PCDHGA2: variants seen among roughly 807,000 people sequenced by gnomAD.
The protein encoded by PCDHGA2 is protocadherin gamma subfamily A, 2.
In PCDHGA2, 40 loss-of-function variants were observed where a neutral mutation model predicts 59.2. The observed-to-expected ratio is 0.68, with a 90% confidence interval of 0.52 to 0.88. The LOEUF (loss-of-function observed/expected upper bound fraction) is 0.88. Ranked by LOEUF, PCDHGA2 falls within the 40% of genes least tolerant of loss-of-function variation. The pLI, the probability that PCDHGA2 is intolerant of heterozygous loss-of-function variation, is 0.00. For synonymous variants in PCDHGA2, 560 were observed against 526.0 expected, an observed-to-expected ratio of 1.06 and a Z score of -0.89; for missense variants, 1,226 against 1,204.0, an observed-to-expected ratio of 1.02 and a Z score of -0.27.
chr5:141,409,714 C>T (rs1053132512), intron 1 of PCDHGA2: 1 of 1,613,226 alleles, frequency 6.2e-7, no homozygotes, highest in Non-Finnish European at 8.5e-7. Flanking sequence ...TGTCGTCATA[C>T]GTGTCAGTGA....
In PCDHGA2 at chr5:141,512,223, C is replaced by G. The variant is rs1321595614; in HGVS notation, c.*1050C>G. 6.5e-6 allele frequency: 1 copy of G among 152,728 alleles called. No individual in the cohort carries two copies. The highest frequency in any genetic ancestry group is 1.5e-5 in the Non-Finnish European group (1 of 68,110). 9.5% of individuals were successfully genotyped at this position (152,728 alleles called of 1,614,324 possible). ...CTCGAAGCAGGTTTAGGACCAGGTC[C>G]CCTTGAGAGGTCAGAGGGGCCTCTG... On this transcript the variant is annotated 3_prime_UTR_variant, in exon 4 of 4. Transcript: ENST00000394576.
chr5:141,352,606 T>C (rs1366589335), intron 1 of PCDHGA2: 1 of 1,613,482 alleles, frequency 6.2e-7, no homozygotes, highest in African/African-American at 1.3e-5. Flanking sequence ...ATGATCCTTC[T>C]ATGGTTGTAT....
intron 1 of PCDHGA2, chr5:141,394,346 C>T: frequency 1.2e-6 from 2 of 1,614,156 alleles, no homozygotes; most frequent in Non-Finnish European, 1.7e-6. Context: ...ACTCTGACAC[C>T]GGTGTCCTGT....
intron 1 of PCDHGA2, chr5:141,413,943 T>A: frequency 1.2e-6 from 2 of 1,613,420 alleles, no homozygotes; most frequent in Non-Finnish European, 1.7e-6. Context: ...TGAGTGTTCC[T>A]GAGAATTTGC....
intron 1 of PCDHGA2, chr5:141,421,632 G>A (rs2096589368): frequency 6.2e-7 from 1 of 1,613,846 alleles, no homozygotes; most frequent in South Asian, 1.1e-5. Context: ...CCAGCTTCCA[G>A]GAGGACGAAG....
At chr5:141,376,221 C>G in intron 1 of PCDHGA2, 4 of 1,614,216 alleles carry the variant, frequency 2.5e-6, no homozygotes, top group Non-Finnish European at 3.4e-6. Context: ...GTGCTGCTGG[C>G]GCTCAGACTG....
At chr5:141,408,458 G>T (rs760881860) in intron 1 of PCDHGA2, 4 of 1,614,066 alleles carry the variant, frequency 2.5e-6, no homozygotes, top group South Asian at 2.2e-5. Flanking sequence ...GGACTTACTT[G>T]TGAAGAACCG....
chr5:141,340,342 C>T lies in PCDHGA2; in HGVS notation c.1371C>T (p.Tyr457=). The part of the protein sequence containing the change: ...DNAPAFSRTS[Y]STYIPENNPR... ...CACCCGCCTTCTCCCGCACATCCTA[C>T]TCCACCTACATTCCCGAAAACAACC... The change falls in exon 1 of 4, where the codon TAC becomes TAT. Residue 457 remains tyrosine (Y), a synonymous_variant. Transcript: ENST00000394576. 1.2e-6 allele frequency: 2 copies of T among 1,614,182 alleles called. No homozygotes were observed. The highest frequency in any genetic ancestry group is 1.7e-6 in the Non-Finnish European group (2 of 1,180,032).
chr5:141,443,849 T>A (rs1233479391), intron 1 of PCDHGA2, among the ~76,000 whole-genome samples: 2 of 152,136 alleles, frequency 1.3e-5, no homozygotes, highest in Admixed American at 1.3e-4. Flanking sequence ...ATATGGAAAG[T>A]CTGAAAACTG....
At chr5:141,418,489 G>C (rs774653264) in intron 1 of PCDHGA2, 26 of 1,613,874 alleles carry the variant, frequency 1.6e-5, no homozygotes, top group Admixed American at 1.5e-4. Context: ...CTCACCACTT[G>C]GTACTGACCG....
intron 1 of PCDHGA2, chr5:141,351,348 C>T (rs200422536): frequency 1.2e-6 from 2 of 1,613,314 alleles, no homozygotes; most frequent in East Asian, 2.2e-5. Context: ...ACTGTAATAG[C>T]CCTCATAAAA....
chr5:141,371,060 A>ATC (rs751376669), intron 1 of PCDHGA2: 2 of 1,613,980 alleles, frequency 1.2e-6, no homozygotes, highest in South Asian at 2.2e-5. Context: ...AGCCCTCCAG[A>ATC]AGCTGTACCA....
At position 141,340,640 on chromosome 5, in the gene PCDHGA2, G is replaced by A. The variant is rs749260209; in HGVS notation, c.1669G>A (p.Asp557Asn). The stretch of plus-strand genomic sequence containing the variant: ...AAGCCTGTTCGTGCTGGACCAGAAC[G>A]ACAACGCGCCCGAGATCCTGTACCC... The part of the protein sequence containing the change: ...SLSLFVLDQN[D>N]NAPEILYPAF... Residue 557 changes from aspartate (D) to asparagine (N), a missense_variant, in exon 1 of 4, where the codon GAC becomes AAC. By Grantham distance (23) the Asp-to-Asn change is conservative. Coordinates refer to ENST00000394576, the MANE Select transcript of PCDHGA2 (RefSeq NM_018915.4). The A allele has an allele frequency of 1.2e-6, 2 of 1,614,220 alleles. No individual in the cohort carries two copies. Among genetic ancestry groups the A allele is most frequent in the Non-Finnish European group, 1.7e-6 (2 of 1,180,038 alleles).
intron 1 of PCDHGA2, among the ~76,000 whole-genome samples, chr5:141,449,589 A>G (rs1196329432): frequency 7.6e-6 from 1 of 131,966 alleles, no homozygotes; most frequent in Non-Finnish European, 1.7e-5. Context: ...ACTCTGTCTC[A>G]AAAAAAAAAA....
chr5:141,344,128 G>A lies in PCDHGA2; in HGVS notation c.2424+2733G>A, dbSNP rs747941691. 15 of 1,613,910 alleles carry A rather than the reference G, an allele frequency of 9.3e-6. No homozygotes were observed. In the South Asian group the frequency reaches 9.9e-5, roughly 11 times the overall value. On this transcript the variant is annotated intron_variant, in intron 1 of 3. Coordinates refer to ENST00000394576, the MANE Select transcript of PCDHGA2 (RefSeq NM_018915.4). ...TGCGAAACAGGATCCGGTCAGATCC[G>A]CTACTCGGTGTCTGAGGAGCTAGAT...
At chr5:141,383,621 T>C (rs1392247611) in intron 1 of PCDHGA2, 1 of 1,613,762 alleles carries the variant, frequency 6.2e-7, no homozygotes, top group Admixed American at 1.7e-5. Flanking sequence ...CACACGCCTG[T>C]CTTCTCTCTG....
rs1236013576 is a variant in PCDHGA2 at position 141,375,392 on chromosome 5, A to G, written c.2424+33997A>G. On this transcript the variant is annotated intron_variant, in intron 1 of 3. Transcript: ENST00000394576. ...AACACCACCTCTGTCTACAGAAACA[A>G]TCATCTCTCTAAATGTGGCAGACAC... 33 of 1,613,850 alleles carry G rather than the reference A, an allele frequency of 2.0e-5. 1 individual carries two copies. Among genetic ancestry groups the G allele is most frequent in the African/African-American group, 4.0e-5 (3 of 74,932 alleles).
chr5:141,339,184 G>A lies in PCDHGA2; in HGVS notation c.213G>A (p.Arg71=), dbSNP rs143495008. 2.5e-6 allele frequency: 4 copies of A among 1,614,106 alleles called. No individual in the cohort carries two copies. The African/African-American group carries it at 4.0e-5, about 16-fold the overall frequency. The part of the protein sequence containing the change: ...EQGVRIVSRG[R]SQLFALNPRS... ...GAGTCCGCATCGTCTCCAGAGGTAG[G>A]TCCCAGCTCTTTGCTCTGAACCCGC... The change falls in exon 1 of 4, where the codon AGG becomes AGA. Residue 71 remains arginine (R), a synonymous_variant. Transcript: ENST00000394576.
rs868008554 is a variant in PCDHGA2, at chr5:141,431,417, C to T, written c.2425-63390C>T. 1 of 1,613,666 alleles carries T rather than the reference C, an allele frequency of 6.2e-7. No homozygotes were observed. Among genetic ancestry groups the T allele is most frequent in the South Asian group, 1.1e-5 (1 of 91,082 alleles). ...CCTTACGGCCTCCGACGGGGGCGAC[C>T]CGGTGCGCACAGGCACCGCGCGCAT... On this transcript the variant is annotated intron_variant, in intron 1 of 3. Transcript: ENST00000394576. This position sits in a 1 kb window ranked among gnomAD's most constrained non-coding sequence, Gnocchi z 4.8.
Sources: allele counts gnomAD v4.1 joint callset (sites outside exome capture counted in the v4.1 genomes callset), GRCh38; gene constraint gnomAD v4.1.1; non-coding constraint Gnocchi (gnomAD v3.1); transcripts MANE v1.5; gene names NCBI Gene and HGNC (gene_info 2026-07-23, HGNC 2026-07-21).